GTPBP8: variants seen among roughly 807,000 people sequenced by gnomAD.
GTPBP8 encodes GTP binding protein 8.
GTPBP8 carries 21 observed loss-of-function variants against 27.3 expected under a neutral mutation model. The ratio of observed to expected loss-of-function variants is 0.77; its 90% confidence interval spans 0.55 to 1.11. The LOEUF (loss-of-function observed/expected upper bound fraction) is 1.11, where lower values mean the gene tolerates loss of function less well. Ranked by LOEUF, GTPBP8 falls within the 50% of genes least tolerant of loss-of-function variation. The pLI, the probability that GTPBP8 is intolerant of heterozygous loss-of-function variation, is 0.00. For missense variants in GTPBP8, 380 were observed against 350.8 expected (o/e 1.08, Z -0.67); for synonymous variants, 147 against 135.3 (o/e 1.09, Z -0.60).
chr3:112,996,077 A>G (rs1489735538), intron 3 of GTPBP8, among the ~76,000 whole-genome samples: 1 of 152,202 alleles, frequency 6.6e-6, no homozygotes, highest in Admixed American at 6.5e-5. Context: ...GTAGCTTTAC[A>G]TAAGGGGTAA....
chr3:112,996,177 G>A (rs1239903035), intron 3 of GTPBP8, among the ~76,000 whole-genome samples: 1 of 152,098 alleles, frequency 6.6e-6, no homozygotes, highest in African/African-American at 2.4e-5. Flanking sequence ...TTCCCATATA[G>A]ACCAGGCACG....
In GTPBP8 at chr3:112,993,216, T is replaced by C. The variant is rs369920488; in HGVS notation, c.435+92T>C. ...GGAAGGTATAAGAAATCATAATTAC[T>C]AAGTTCCTAGAGAAGTGATTTCTTT... On this transcript the variant is annotated intron_variant, in intron 2 of 5. Coordinates refer to ENST00000383678, the MANE Select transcript of GTPBP8 (RefSeq NM_014170.4). 1.7e-3 allele frequency: 1,220 copies of C among 701,900 alleles called. 25 individuals carry two copies. The South Asian group carries it at 0.021, about 12-fold the overall frequency. 43.5% of individuals were successfully genotyped at this position (701,900 alleles called of 1,614,324 possible).
In GTPBP8 at chr3:113,001,891, G is replaced by T. The variant is rs1195554854; in HGVS notation, c.*972G>T. ...TGCCACTAACCTATTCATGTAAGTG[G>T]CTTAGGTTTTCAAAGTGAAGCTTAA... is the stretch of plus-strand genomic sequence containing the variant. On this transcript the variant is annotated 3_prime_UTR_variant, in exon 6 of 6. Coordinates refer to ENST00000383678, the MANE Select transcript of GTPBP8 (RefSeq NM_014170.4). The T allele has an allele frequency of 6.6e-6, 1 of 152,154 alleles. No homozygotes were observed. The highest frequency in any genetic ancestry group is 6.5e-5 in the Admixed American group (1 of 15,278). The allele number at this position is 152,154 out of a possible 1,614,324, so 9.4% of individuals were successfully genotyped here.
Position 112,996,210 on chromosome 3 carries a change from G to A in GTPBP8, c.567-682G>A, listed in dbSNP as rs541617518. 8.0e-3 allele frequency among the ~76,000 whole-genome samples: 1,216 copies of A among 152,174 alleles called. 15 individuals are homozygous for A. The highest frequency in any genetic ancestry group is 0.028 in the South Asian group (136 of 4,814). On this transcript the variant is annotated intron_variant, in intron 3 of 5. Transcript: ENST00000383678. The stretch of plus-strand genomic sequence containing the variant: ...ACGCCGGCTCACGCCTGTAATCTCA[G>A]CACTTTGGGAGGCCGAGGTCGGCGG...
At position 112,991,601 on chromosome 3, in the gene GTPBP8, C is replaced by T. The variant is rs532149804; in HGVS notation, c.336+266C>T. 5 of 660,664 alleles carry T rather than the reference C, an allele frequency of 7.6e-6. No individual in the cohort carries two copies. In the East Asian group the frequency reaches 1.5e-4, roughly 20 times the overall value. 40.9% of individuals were successfully genotyped at this position (660,664 alleles called of 1,614,324 possible). On this transcript the variant is annotated intron_variant, in intron 1 of 5. Transcript: ENST00000383678. ...TAAGTCGACCCACTGTAAGCAGAGA[C>T]TGCCTGTATACAGCTTAAATTATTT...
intron 4 of GTPBP8, among the ~76,000 whole-genome samples, chr3:112,997,926 TGAAAG>T (rs1374347614): frequency 6.6e-6 from 1 of 152,250 alleles, no homozygotes. Context: ...CAATTTTAAC[TGAAAG>T]GAAATATTAC....
chr3:112,991,598 A>G, intron 1 of GTPBP8: 1 of 664,710 alleles, frequency 1.5e-6, no homozygotes, highest in Non-Finnish European at 2.8e-6. Context: ...CTGTAAGCAG[A>G]GACTGCCTGT....
Sources: allele counts gnomAD v4.1 joint callset (sites outside exome capture counted in the v4.1 genomes callset), GRCh38; gene constraint gnomAD v4.1.1; transcripts MANE v1.5; gene names NCBI Gene and HGNC (gene_info 2026-07-23, HGNC 2026-07-21).